CD8B: variants seen among roughly 807,000 people sequenced by gnomAD.
CD8B encodes T-cell surface glycoprotein CD8 beta chain.
Under a neutral mutation model 24.2 loss-of-function variants are expected in CD8B, and 6 were observed. That is an observed-to-expected ratio of 0.25 (90% confidence interval 0.14 to 0.49). The LOEUF is 0.49. CD8B is among the 20% of genes least tolerant of loss of function. CD8B has a pLI of 0.98. For synonymous variants in CD8B, 84 were observed against 108.3 expected (o/e 0.78, Z 1.39); for missense variants, 196 against 271.3 (o/e 0.72, Z 1.95).
chr2:86,851,821 G>T (rs1476452271), intron 3 of CD8B, among the ~76,000 whole-genome samples: 1 of 152,186 alleles, frequency 6.6e-6, no homozygotes, highest in East Asian at 1.9e-4. Flanking sequence ...GTGTGCATGG[G>T]CATGTGTGTC....
Position 86,817,009 on chromosome 2 carries a change from C to T in CD8B, c.621-1291G>A, listed in dbSNP as rs545209377. On this transcript the variant is annotated intron_variant, in intron 5 of 5. Coordinates refer to the CD8B transcript ENST00000331469. ...TCACAAAGTAATAAGTTAAAGACAGCAGAATTAAAAATGGGCAAAGTACGT... is the reference window on the plus strand; with the variant it reads ...TCACAAAGTAATAAGTTAAAGACAGTAGAATTAAAAATGGGCAAAGTACGT... Among the ~76,000 whole-genome samples, 8 of 152,058 alleles carry T rather than the reference C, an allele frequency of 5.3e-5. No individual in the cohort carries two copies. The South Asian group carries it at 1.7e-3, about 32-fold the overall frequency.
At position 86,840,994 on chromosome 2, in the gene CD8B, A is replaced by G. The variant is rs1675398095; in HGVS notation, c.*1313T>C. Among the ~76,000 whole-genome samples, 1 of 152,126 alleles carries G rather than the reference A, an allele frequency of 6.6e-6. No individual in the cohort carries two copies. The highest frequency in any genetic ancestry group is 6.6e-5 in the Admixed American group (1 of 15,262). ...GTCCTTCTTTGAGCTGGCCAGGAAAAGCAGGTGAGGCTGGATTCTCCCTGG... is the reference window on the plus strand; with the variant it reads ...GTCCTTCTTTGAGCTGGCCAGGAAAGGCAGGTGAGGCTGGATTCTCCCTGG... On this transcript the variant is annotated 3_prime_UTR_variant, in exon 6 of 6. Transcript: ENST00000390655.
In CD8B at chr2:86,822,510, A is replaced by G. The variant is rs911329494; in HGVS notation, c.621-6792T>C. On this transcript the variant is annotated intron_variant, in intron 5 of 5. Transcript: ENST00000331469. ...GGCATTAACATGATGATGTTTTAGA[A>G]TTATGAAACCTATGGAAAGGTTGAC... is the stretch of plus-strand genomic sequence containing the variant. The G allele has an allele frequency of 7.0e-6, 4 of 570,986 alleles. No individual in the cohort carries two copies. In the Admixed American group the frequency reaches 1.2e-4, roughly 18 times the overall value. 35.4% of individuals were successfully genotyped at this position (570,986 alleles called of 1,614,324 possible).
rs972926015 is a variant in CD8B at position 86,839,672 on chromosome 2, GC to G, written c.*2634del. Among the ~76,000 whole-genome samples the G allele has an allele frequency of 7.2e-5, 11 of 152,226 alleles. No individual in the cohort carries two copies. The highest frequency in any genetic ancestry group is 2.7e-4 in the African/African-American group (11 of 41,462). Reference sequence around the variant, plus strand: ...TGACAGAGGAGCGCAAACCACCCCTGCCCCCAGCCCAACCCCATGAGAACTT... The same window carrying G: ...TGACAGAGGAGCGCAAACCACCCCTGCCCCAGCCCAACCCCATGAGAACTT... On this transcript the variant is annotated 3_prime_UTR_variant, in exon 6 of 6. Coordinates refer to ENST00000390655, the MANE Select transcript of CD8B (RefSeq NM_004931.5).
At chr2:86,827,621 CAAAA>C (rs61256363) in intron 5 of CD8B, among the ~76,000 whole-genome samples, 1 of 126,336 alleles carries the variant, frequency 7.9e-6, no homozygotes, top group Non-Finnish European at 1.7e-5. Flanking sequence ...GACCCTATCT[CAAAA>C]AAAAAAAAAA....
chr2:86,840,325 G>T lies in CD8B; in HGVS notation c.*1982C>A, dbSNP rs990800246. On this transcript the variant is annotated 3_prime_UTR_variant, in exon 6 of 6. Coordinates refer to ENST00000390655, the MANE Select transcript of CD8B (RefSeq NM_004931.5). ...TGGGTCTGGGGGCAGGGCATCTAAG[G>T]CCAATTAACATACACCAAAAGGAAA... Among the ~76,000 whole-genome samples, 10 of 152,118 alleles carry T rather than the reference G, an allele frequency of 6.6e-5. No individual in the cohort carries two copies. Among genetic ancestry groups the T allele is most frequent in the African/African-American group, 2.4e-4 (10 of 41,424 alleles).
At position 86,842,263 on chromosome 2, in the gene CD8B, A is replaced by G. The variant is rs765776562; in HGVS notation, c.*44T>C. The G allele has an allele frequency of 6.4e-7, 1 of 1,571,098 alleles. No individual in the cohort carries two copies. The highest frequency in any genetic ancestry group is 8.6e-7 in the Non-Finnish European group (1 of 1,160,420). ...TTTTTCCACATCGTGCTCGTTACTG[A>G]CCGATGTCTTTTTGTAGCAGGACAC... On this transcript the variant is annotated 3_prime_UTR_variant, in exon 6 of 6. Transcript: ENST00000390655.
At chr2:86,842,469 C>T (rs576047808) in intron 5 of CD8B, 150 bp from the exon 6 acceptor site, 2 of 887,162 alleles carry the variant, frequency 2.3e-6, no homozygotes, top group East Asian at 2.8e-5. Context: ...TTCTAGGGCC[C>T]ATCTTAGTCA....
rs1675366803 is a variant in CD8B at position 86,840,448 on chromosome 2, C to T, written c.*1859G>A. On this transcript the variant is annotated 3_prime_UTR_variant, in exon 6 of 6. Transcript: ENST00000390655. Reference sequence around the variant, plus strand: ...ATCTCAGATGGAAAGGGAGACGGCCCTGGATTGACCACAGACCAAGCACGG... The same window carrying T: ...ATCTCAGATGGAAAGGGAGACGGCCTTGGATTGACCACAGACCAAGCACGG... 6.6e-6 allele frequency among the ~76,000 whole-genome samples: 1 copy of T among 152,236 alleles called. No individual in the cohort carries two copies.
At chr2:86,851,654 C>T (rs1053814981) in intron 3 of CD8B, among the ~76,000 whole-genome samples, 3 of 152,180 alleles carry the variant, frequency 2.0e-5, no homozygotes, top group African/African-American at 7.2e-5. Context: ...TAAGACAAAG[C>T]AAACTGAGCA....
chr2:86,826,647 T>A (rs1464244061), intron 5 of CD8B, among the ~76,000 whole-genome samples: 1 of 152,116 alleles, frequency 6.6e-6, no homozygotes, highest in African/African-American at 2.4e-5. Context: ...CTACTAAAAA[T>A]GTTCACTTCA....
Position 86,858,103 on chromosome 2 carries a change from G to C in CD8B, c.357C>G (p.Val119=). ...EDSGIYFCMI[V]GSPELTFGKG... Reference sequence around the variant, plus strand: ...TCCCGAAGGTCAGCTCGGGGCTCCCGACGATCATGCAGAAGTAGATGCCAC... The same window carrying C: ...TCCCGAAGGTCAGCTCGGGGCTCCCCACGATCATGCAGAAGTAGATGCCAC... The change falls in exon 2 of 6, where the codon GTC becomes GTG. Residue 119 remains valine, a synonymous_variant. Transcript: ENST00000390655. 6.2e-7 allele frequency: 1 copy of C among 1,613,956 alleles called. No homozygotes were observed. The highest frequency in any genetic ancestry group is 8.5e-7 in the Non-Finnish European group (1 of 1,179,848).
chr2:86,858,169 G>C lies in CD8B; in HGVS notation c.291C>G (p.Ser97Arg). ...QEKIAVFRDA[S>R]RFILNLTSVK... The stretch of plus-strand genomic sequence containing the variant: ...CGCTTGTGAGATTGAGAATGAACCG[G>C]CTTGCATCCCGAAACACAGCTATCT... Residue 97 changes from serine (S) to arginine (R), a missense_variant, in exon 2 of 6, where the codon AGC (serine) becomes AGG (arginine). Transcript: ENST00000390655. 6.2e-7 allele frequency: 1 copy of C among 1,613,972 alleles called. No homozygotes were observed. Among genetic ancestry groups the C allele is most frequent in the Non-Finnish European group, 8.5e-7 (1 of 1,179,858 alleles).
At chr2:86,825,284 G>A (rs944563724) in intron 5 of CD8B, among the ~76,000 whole-genome samples, 3 of 152,154 alleles carry the variant, frequency 2.0e-5, no homozygotes, top group East Asian at 3.9e-4. Flanking sequence ...CAGGGATGGC[G>A]GCAGCTCTGT....
chr2:86,827,701 C>G (rs961208029), intron 5 of CD8B, among the ~76,000 whole-genome samples: 5 of 151,550 alleles, frequency 3.3e-5, no homozygotes, highest in Admixed American at 6.6e-5. Context: ...ATTTTGGAAG[C>G]TGAATAATGT....
chr2:86,835,697 C>T (rs1234956680), downstream of CD8B, among the ~76,000 whole-genome samples: 5 of 151,334 alleles, frequency 3.3e-5, no homozygotes, highest in East Asian at 5.9e-4. Context: ...ATCTTCCCCT[C>T]GTAACTTTGC....
At chr2:86,846,052 T>A (rs1675656721) in intron 4 of CD8B, among the ~76,000 whole-genome samples, 4 of 152,204 alleles carry the variant, frequency 2.6e-5, no homozygotes. Flanking sequence ...GAGTCTGGGC[T>A]CTGGGCTCTA....
chr2:86,822,864 G>T (rs1674531755), intron 5 of CD8B, among the ~76,000 whole-genome samples: 1 of 152,134 alleles, frequency 6.6e-6, no homozygotes, highest in East Asian at 1.9e-4. Context: ...CATGTTGTTG[G>T]TGCCACTTAC....
At chr2:86,854,023 G>C (rs1676109327) in intron 2 of CD8B, among the ~76,000 whole-genome samples, 1 of 150,580 alleles carries the variant, frequency 6.6e-6, no homozygotes, top group African/African-American at 2.4e-5. Flanking sequence ...TTACAGGTAC[G>C]AGCCACCGCA....
Sources: gnomAD v4.1 joint callset for allele counts (sites outside exome capture counted in the v4.1 genomes callset) on GRCh38, gnomAD v4.1.1 for gene constraint, MANE v1.5 for transcripts, NCBI Gene and HGNC (gene_info 2026-07-23, HGNC 2026-07-21) for gene names.